The following ABCA4 variants were observed in gnomAD, a reference collection of about 807,000 sequenced individuals.
The protein encoded by ABCA4 is ATP binding cassette subfamily A member 4.
A neutral mutation model predicts 263.7 loss-of-function variants in ABCA4; 196 were observed. The observed-to-expected ratio is 0.74, with a 90% CI of 0.66 to 0.84. The LOEUF is 0.84. Among genes scored for constraint, ABCA4 ranks in the 40% least tolerant of loss-of-function variants. ABCA4 has a pLI of 0.00. For synonymous variants in ABCA4, 1,133 were observed against 1,094.2 expected (o/e 1.04, Z -0.70); for missense variants, 2,792 against 2,855.1 (o/e 0.98, Z 0.50).
intron 6 of ABCA4, among the ~76,000 whole-genome samples, chr1:94,093,720 A>AGGCAGGCAAGTGACAATCCAGCC (rs1553194955): frequency 6.6e-6 from 1 of 152,214 alleles, no homozygotes; most frequent in Non-Finnish European, 1.5e-5. Context: ...AAAGACATCA[A>AGGCAGGCAAGTGACAATCCAGCC]GGCAGGCAAG....
At chr1:94,061,493 A>G (rs1393909094) in intron 13 of ABCA4, 1 of 153,096 alleles carries the variant, frequency 6.5e-6, no homozygotes, top group African/African-American at 2.4e-5. Flanking sequence ...TCTATTGAAA[A>G]CTGTTGTGTG....
At chr1:94,039,762 A>C (rs1413316445) in intron 24 of ABCA4, among the ~76,000 whole-genome samples, 1 of 152,256 alleles carries the variant, frequency 6.6e-6, no homozygotes, top group Non-Finnish European at 1.5e-5. Flanking sequence ...GAGCCAGGGC[A>C]GGGGGACCCC....
chr1:94,016,242 T>A (rs1159513989), intron 36 of ABCA4, among the ~76,000 whole-genome samples: 2 of 152,180 alleles, frequency 1.3e-5, no homozygotes, highest in African/African-American at 2.4e-5. Context: ...ATACCCTTTT[T>A]AAACAATTTA....
At position 94,046,906 on chromosome 1, in the gene ABCA4, C is replaced by G; in HGVS notation, c.2918+13G>C. On this transcript the variant is annotated intron_variant, in intron 19 of 49. Coordinates refer to ENST00000370225, the MANE Select transcript of ABCA4 (RefSeq NM_000350.3). Reference sequence around the variant, plus strand: ...GCTAGCATGGCAGCCAGCTTCTCTGCTGGAAGACTCACAAGGTGGTGGTTT... The same window carrying G: ...GCTAGCATGGCAGCCAGCTTCTCTGGTGGAAGACTCACAAGGTGGTGGTTT... 1 of 1,613,814 alleles carries G rather than the reference C, an allele frequency of 6.2e-7. No homozygotes were observed. The highest frequency in any genetic ancestry group is 8.5e-7 in the Non-Finnish European group (1 of 1,179,888).
At chr1:94,078,925 A>G (rs1661611626) in intron 9 of ABCA4, among the ~76,000 whole-genome samples, 1 of 152,148 alleles carries the variant, frequency 6.6e-6, no homozygotes, top group Non-Finnish European at 1.5e-5. Flanking sequence ...TCAGAAGTCC[A>G]TGTAATATTG....
Position 94,051,682 on chromosome 1 carries a change from TG to T in ABCA4, c.2603del (p.Pro868HisfsTer33), listed in dbSNP as rs751791095. 6.2e-7 allele frequency: 1 copy of T among 1,613,804 alleles called. No individual in the cohort carries two copies. The highest frequency in any genetic ancestry group is 1.3e-5 in the African/African-American group (1 of 74,926). ...DQVFPGDYGT[P>X]LPWYFLLQES... ...CTTGTAGAAGAAAGTACCAAGGAAG[TG>T]GGGTTCCATAGTCTCCTAAAAATAG... is the stretch of plus-strand genomic sequence containing the variant. On this transcript the variant is annotated frameshift_variant, in exon 17 of 50. Coordinates refer to ENST00000370225, the MANE Select transcript of ABCA4 (RefSeq NM_000350.3). LOFTEE classifies it high-confidence loss of function.
chr1:94,075,008 G>T (rs1184102322), intron 11 of ABCA4, among the ~76,000 whole-genome samples: 2 of 152,160 alleles, frequency 1.3e-5, no homozygotes, highest in African/African-American at 2.4e-5. Context: ...CATGTCCTTT[G>T]CAGGGACATG....
At chr1:94,060,432 C>T (rs1016427414) in intron 14 of ABCA4, 105 bp downstream of exon 14, 24 of 1,082,084 alleles carry the variant, frequency 2.2e-5, no homozygotes, top group Admixed American at 1.4e-4. Flanking sequence ...CTAGATGTCA[C>T]GCTCTCCTTG....
In ABCA4 at chr1:94,031,937, C is replaced by G. The variant is rs754285857; in HGVS notation, c.3969G>C (p.Gly1323=). ...GGCCCTCTGGGTGAGCAGCCGGCGCCCCTGGGGAGCAGACATTGGAGTCCT... is the reference window on the plus strand; with the variant it reads ...GGCCCTCTGGGTGAGCAGCCGGCGCGCCTGGGGAGCAGACATTGGAGTCCT... ...TPQDSNVCSP[G]APAAHPEGQP... is the part of the protein sequence containing the mutation. The change falls in exon 27 of 50, where the codon GGG becomes GGC. Residue 1323 remains glycine, a synonymous_variant. Coordinates refer to ENST00000370225, the MANE Select transcript of ABCA4 (RefSeq NM_000350.3). 15 of 1,614,054 alleles carry G rather than the reference C, an allele frequency of 9.3e-6. No individual in the cohort carries two copies. The highest frequency in any genetic ancestry group is 1.0e-5 in the Non-Finnish European group (12 of 1,180,010).
rs989110824 is a variant in ABCA4 at position 94,088,654 on chromosome 1, G to A, written c.769-5213C>T. 2.8e-4 allele frequency among the ~76,000 whole-genome samples: 43 copies of A among 152,204 alleles called. 1 individual carries two copies. The highest frequency in any genetic ancestry group is 2.0e-3 in the Admixed American group (30 of 15,280). On this transcript the variant is annotated intron_variant, in intron 6 of 49. Coordinates refer to ENST00000370225, the MANE Select transcript of ABCA4 (RefSeq NM_000350.3). ...ATCCCATTGTCTAAATCTCCAGCCT[G>A]GAGATCCAGAAATTGGTGCTGGGAA...
chr1:94,062,548 T>C (rs779634080), intron 13 of ABCA4, 29 bp downstream of exon 13: 3 of 1,406,784 alleles, frequency 2.1e-6, no homozygotes, highest in African/African-American at 2.9e-5. Context: ...TAGCGTGTCA[T>C]GGAGGAGGAT....
rs556537567 is a variant in ABCA4, at chr1:94,014,181, GGAAAGAAGGAA to G, written c.5460+351_5460+361del. On this transcript the variant is annotated intron_variant, in intron 38 of 49. Coordinates refer to ENST00000370225, the MANE Select transcript of ABCA4 (RefSeq NM_000350.3). ...GAAATGAAAAAGGTGCTTATAGGAAGGAAAGAAGGAAGAAAGAAGGAAGGATGGAGGGAGGG... is the reference window on the plus strand; with the variant it reads ...GAAATGAAAAAGGTGCTTATAGGAAGGAAAGAAGGAAGGATGGAGGGAGGG... Among the ~76,000 whole-genome samples, 625 of 150,888 alleles carry G rather than the reference GGAAAGAAGGAA, an allele frequency of 4.1e-3. 7 individuals are homozygous for G. The highest frequency in any genetic ancestry group is 0.014 in the African/African-American group (575 of 40,946).
chr1:94,063,433 G>C (rs1661184313), intron 11 of ABCA4, 116 bp from the exon 12 acceptor site: 1 of 1,010,762 alleles, frequency 9.9e-7, no homozygotes. Context: ...TCAAATGCAA[G>C]GAGGCCTATA....
intron 6 of ABCA4, among the ~76,000 whole-genome samples, chr1:94,097,902 A>C (rs1662170741): frequency 6.6e-6 from 1 of 152,140 alleles, no homozygotes; most frequent in Admixed American, 6.5e-5. Flanking sequence ...GGCGCCCGCC[A>C]CCACACCTGG....
At chr1:94,079,636 A>C (rs1661635756) in intron 8 of ABCA4, among the ~76,000 whole-genome samples, 175 bp from the exon 9 acceptor site, 1 of 152,226 alleles carries the variant, frequency 6.6e-6, no homozygotes, top group Non-Finnish European at 1.5e-5. Flanking sequence ...TAGTAGCAAA[A>C]TGCCACAGTG....
At chr1:94,021,132 G>A (rs773573247) in intron 35 of ABCA4, 108 bp downstream of exon 35, 12 of 1,485,166 alleles carry the variant, frequency 8.1e-6, no homozygotes, top group East Asian at 2.3e-5. Context: ...TGACTAAACA[G>A]CATTACCATC....
rs928671397 is a variant in ABCA4, at chr1:94,048,777, C to T, written c.2743+91G>A. The T allele has an allele frequency of 3.1e-6, 4 of 1,273,794 alleles. No homozygotes were observed. The African/African-American group carries it at 5.9e-5, about 19-fold the overall frequency. 78.9% of individuals were successfully genotyped at this position (1,273,794 alleles called of 1,614,324 possible). ...AGAGTCAGTTTCCTAGGCTTCTTTCCACCCTTGCCATGAGATGTTTTGCTC... is the reference window on the plus strand; with the variant it reads ...AGAGTCAGTTTCCTAGGCTTCTTTCTACCCTTGCCATGAGATGTTTTGCTC... On this transcript the variant is annotated intron_variant, in intron 18 of 49. Transcript: ENST00000370225.
chr1:94,079,597 C>A, intron 8 of ABCA4, 136 bp from the exon 9 acceptor site: 6 of 1,274,776 alleles, frequency 4.7e-6, no homozygotes, highest in Non-Finnish European at 3.4e-6. Context: ...AATTAATAGG[C>A]TGTACCCCAC....
intron 6 of ABCA4, among the ~76,000 whole-genome samples, chr1:94,090,382 T>G (rs1216759840): frequency 6.6e-6 from 1 of 151,882 alleles, no homozygotes; most frequent in Non-Finnish European, 1.5e-5. Flanking sequence ...ACTTCAAATC[T>G]CAAATAGTTT....
Sources: allele counts gnomAD v4.1 joint callset (sites outside exome capture counted in the v4.1 genomes callset), GRCh38; gene constraint gnomAD v4.1.1; transcripts MANE v1.5; gene names NCBI Gene and HGNC (gene_info 2026-07-23, HGNC 2026-07-21).